The following CCDC91 variants were observed in gnomAD, a reference collection of about 807,000 sequenced individuals.
The protein encoded by CCDC91 is coiled-coil domain containing 91, also known as coiled-coil domain-containing protein 91.
Under a neutral mutation model 63.2 loss-of-function variants are expected in CCDC91, and 48 were observed. The ratio of observed to expected loss-of-function variants is 0.76; its 90% CI spans 0.60 to 0.97. The LOEUF is 0.97. Among genes scored for constraint, CCDC91 ranks in the 50% least tolerant of loss-of-function variants. The pLI is 0.00. For synonymous variants in CCDC91, 167 were observed against 165.8 expected, an observed-to-expected ratio of 1.01 and a Z score of -0.06; for missense variants, 500 against 494.6, an observed-to-expected ratio of 1.01 and a Z score of -0.10.
chr12:28,225,000 G>C (rs2135726538), intron 1 of CCDC91, among the ~76,000 whole-genome samples: 1 of 152,230 alleles, frequency 6.6e-6, no homozygotes, highest in African/African-American at 2.4e-5. Context: ...CTAGATATTA[G>C]GTGACCATCT....
intron 8 of CCDC91, among the ~76,000 whole-genome samples, chr12:28,417,934 G>T (rs754938981): frequency 6.6e-6 from 1 of 151,954 alleles, no homozygotes; most frequent in Non-Finnish European, 1.5e-5. Flanking sequence ...TACATTGAGT[G>T]GTAAATGTGT....
chr12:28,527,662 C>T lies in CCDC91; in HGVS notation c.1216-21401C>T, dbSNP rs537905336. Among the ~76,000 whole-genome samples the T allele has an allele frequency of 2.0e-5, 3 of 152,252 alleles. No individual in the cohort carries two copies. The East Asian group carries it at 5.8e-4, about 29-fold the overall frequency. On this transcript the variant is annotated intron_variant, in intron 12 of 12. Transcript: ENST00000536442. ...TTGGTAGGTGGGGCCCCATAACTCCCAAGAGTATATGCCCATTGTCTTCAG... is the reference window on the plus strand; with the variant it reads ...TTGGTAGGTGGGGCCCCATAACTCCTAAGAGTATATGCCCATTGTCTTCAG...
intron 1 of CCDC91, among the ~76,000 whole-genome samples, chr12:28,218,963 T>C (rs576566012): frequency 1.3e-5 from 2 of 152,334 alleles, no homozygotes; most frequent in Admixed American, 1.3e-4. Context: ...CTTAGGTCAA[T>C]AGCTTGGAGT....
chr12:28,479,756 C>T (rs150061761), intron 11 of CCDC91, among the ~76,000 whole-genome samples: 2 of 151,836 alleles, frequency 1.3e-5, no homozygotes, highest in African/African-American at 4.8e-5. Context: ...AATACTTTGC[C>T]CATATAGGAA....
At chr12:28,217,950 TCTTA>T (rs1943673691) in intron 1 of CCDC91, among the ~76,000 whole-genome samples, 1 of 152,148 alleles carries the variant, frequency 6.6e-6, no homozygotes, top group Non-Finnish European at 1.5e-5. Context: ...GACATCCTTT[TCTTA>T]CTTATCATCT....
rs571471980 is a variant in CCDC91, at chr12:28,549,907, G to A, written c.*734G>A. 1 of 152,324 alleles carries A rather than the reference G, an allele frequency of 6.6e-6. No homozygotes were observed. Among genetic ancestry groups the A allele is most frequent in the East Asian group, 1.9e-4 (1 of 5,176 alleles). The allele number at this position is 152,324 out of a possible 1,614,324, so 9.4% of individuals were successfully genotyped here. A position where few individuals can be genotyped will look rare whatever the true frequency, so the allele number is the denominator to read the frequency against. ...AAATTGTGAACTTAATCTCTAGAAA[G>A]AGAATATAACTCAGCCATTTATAGG... On this transcript the variant is annotated 3_prime_UTR_variant, in exon 13 of 13. Coordinates refer to ENST00000536442, the MANE Select transcript of CCDC91 (RefSeq NM_018318.5).
intron 6 of CCDC91, among the ~76,000 whole-genome samples, chr12:28,328,867 A>G (rs2137606301): frequency 6.6e-6 from 1 of 152,164 alleles, no homozygotes; most frequent in Admixed American, 6.5e-5. Context: ...ACTCAGCTAT[A>G]GGATAGTTTA....
intron 6 of CCDC91, among the ~76,000 whole-genome samples, chr12:28,316,637 A>AATAGC: frequency 8.7e-6 from 1 of 114,644 alleles, no homozygotes; most frequent in South Asian, 2.7e-4. Context: ...TTTTTCATAT[A>AATAGC]ATAGCATTGT....
chr12:28,491,545 A>T (rs1485703376), intron 12 of CCDC91, among the ~76,000 whole-genome samples: 1 of 151,824 alleles, frequency 6.6e-6, no homozygotes, highest in African/African-American at 2.4e-5. Flanking sequence ...AAGATCACTT[A>T]AGCCTATGAT....
chr12:28,277,626 G>A (rs763182844), intron 3 of CCDC91, among the ~76,000 whole-genome samples: 4 of 151,970 alleles, frequency 2.6e-5, no homozygotes, highest in Non-Finnish European at 5.9e-5. Context: ...TGAGTAAGGA[G>A]TACTCAACCT....
intron 7 of CCDC91, among the ~76,000 whole-genome samples, chr12:28,364,961 TATA>T (rs1359250417): frequency 3.9e-5 from 6 of 152,234 alleles, no homozygotes; most frequent in Admixed American, 6.5e-5. Context: ...CTCAGAGTAC[TATA>T]ATATTATTGT....
chr12:28,446,712 A>G (rs1949519061), intron 8 of CCDC91, among the ~76,000 whole-genome samples: 1 of 152,148 alleles, frequency 6.6e-6, no homozygotes, highest in African/African-American at 2.4e-5. Context: ...TGATCCATCC[A>G]TCTTGGCCTC....
intron 3 of CCDC91, among the ~76,000 whole-genome samples, chr12:28,291,790 C>T (rs1949267825): frequency 6.6e-6 from 1 of 152,076 alleles, no homozygotes; most frequent in Non-Finnish European, 1.5e-5. Flanking sequence ...AGCTTTTTCA[C>T]CTTTCCAGTT....
intron 3 of CCDC91, among the ~76,000 whole-genome samples, chr12:28,303,926 GAT>G (rs1444101372): frequency 6.6e-6 from 1 of 151,934 alleles, no homozygotes; most frequent in Admixed American, 6.6e-5. Context: ...TGTAAATTAT[GAT>G]ACAGAATTAG....
At chr12:28,337,516 C>T (rs1309032596) in intron 6 of CCDC91, among the ~76,000 whole-genome samples, 5 of 150,294 alleles carry the variant, frequency 3.3e-5, no homozygotes, top group Admixed American at 6.6e-5. Flanking sequence ...GAAAGTCTGT[C>T]TTGATTCATG....
intron 3 of CCDC91, among the ~76,000 whole-genome samples, chr12:28,263,767 G>C (rs2136241179): frequency 6.6e-6 from 1 of 152,048 alleles, no homozygotes; most frequent in East Asian, 1.9e-4. Context: ...TTGAATCCTT[G>C]GTGTCTAGCA....
chr12:28,366,161 A>T (rs1485670552), intron 7 of CCDC91, among the ~76,000 whole-genome samples: 1 of 152,190 alleles, frequency 6.6e-6, no homozygotes, highest in African/African-American at 2.4e-5. Context: ...TTAAAAAAAA[A>T]ACTGGATATT....
chr12:28,238,413 A>C (rs897366980), intron 1 of CCDC91, among the ~76,000 whole-genome samples: 1 of 152,208 alleles, frequency 6.6e-6, no homozygotes. Flanking sequence ...AGAACCAGCA[A>C]TAACATTGTA....
At chr12:28,488,355 A>G (rs1463187001) in intron 12 of CCDC91, among the ~76,000 whole-genome samples, 2 of 151,854 alleles carry the variant, frequency 1.3e-5, no homozygotes, top group Non-Finnish European at 2.9e-5. Flanking sequence ...AGTCAGATAC[A>G]TAGTACTTGT....
Sources: gnomAD v4.1 joint callset for allele counts (sites outside exome capture counted in the v4.1 genomes callset) on GRCh38, gnomAD v4.1.1 for gene constraint, MANE v1.5 for transcripts, NCBI Gene and HGNC (gene_info 2026-07-23, HGNC 2026-07-21) for gene names.